The following NPHP4 variants were observed in gnomAD, a reference collection of about 807,000 sequenced individuals.
NPHP4 encodes nephrocystin 4.
Under a neutral mutation model 155.8 loss-of-function variants are expected in NPHP4, and 151 were observed. The ratio of observed to expected loss-of-function variants is 0.97; its 90% CI spans 0.85 to 1.11. The LOEUF (loss-of-function observed/expected upper bound fraction) is 1.11, where lower values mean the gene tolerates loss of function less well. Ranked by LOEUF, NPHP4 falls within the 50% of genes least tolerant of loss-of-function variation. The probability of loss-of-function intolerance (pLI) is 0.00; values close to 1 mark genes in which losing one functional copy is unlikely to be tolerated. For missense variants in NPHP4, 1,956 were observed against 1,925.7 expected, an observed-to-expected ratio of 1.02 and a Z score of -0.29; for synonymous variants, 845 against 816.8, an observed-to-expected ratio of 1.03 and a Z score of -0.59.
At chr1:5,883,631 C>T (rs1243453044) in intron 18 of NPHP4, among the ~76,000 whole-genome samples, 1 of 152,184 alleles carries the variant, frequency 6.6e-6, no homozygotes, top group Non-Finnish European at 1.5e-5. Flanking sequence ...TGGGTTCATC[C>T]TCCACCCGGC....
intron 9 of NPHP4, among the ~76,000 whole-genome samples, chr1:5,943,026 G>T (rs1557792642): frequency 6.6e-6 from 1 of 152,204 alleles, no homozygotes; most frequent in Non-Finnish European, 1.5e-5. Context: ...CATTTCTGGA[G>T]CCCACACTTG....
chr1:5,963,141 G>C (rs1650674641), intron 5 of NPHP4, among the ~76,000 whole-genome samples: 1 of 152,186 alleles, frequency 6.6e-6, no homozygotes, highest in Admixed American at 6.5e-5. Context: ...TCCGCCATGG[G>C]GGCTCACGCC....
Position 5,967,312 on chromosome 1 carries a change from C to G in NPHP4, c.504G>C (p.Gln168His), listed in dbSNP as rs1014692314. ...TPRALLHPLLQDPAEQNRHMT... is the reference protein window; with the variant it reads ...TPRALLHPLLHDPAEQNRHMT... ...TCTGGCTCTTACGCTCTGCGGGGTC[C>G]TGGAGAAGCGGGTGCAGGAGGGCTC... Residue 168 changes from glutamine (Q) to histidine (H), a missense_variant, in exon 5 of 30, where the codon CAG becomes CAC. By Grantham distance (24) the Gln-to-His change is conservative (BLOSUM62 0). Coordinates refer to ENST00000378156, the MANE Select transcript of NPHP4 (RefSeq NM_015102.5). 1 of 1,605,174 alleles carries G rather than the reference C, an allele frequency of 6.2e-7. No homozygotes were observed.
intron 18 of NPHP4, among the ~76,000 whole-genome samples, chr1:5,886,074 C>T (rs889596704): frequency 1.3e-5 from 2 of 152,188 alleles, no homozygotes; most frequent in Non-Finnish European, 2.9e-5. Flanking sequence ...GATTTTAAAA[C>T]CTGGAGTCAC....
intron 19 of NPHP4, 53 bp from the exon 20 acceptor site, chr1:5,877,351 G>A: frequency 2.0e-6 from 3 of 1,481,416 alleles, no homozygotes; most frequent in South Asian, 2.6e-5. Context: ...CTGCCTTCCA[G>A]GAGCAGACAC....
intron 10 of NPHP4, among the ~76,000 whole-genome samples, chr1:5,931,894 G>C (rs1646295663): frequency 6.6e-6 from 1 of 152,040 alleles, no homozygotes; most frequent in African/African-American, 2.4e-5. Flanking sequence ...AGGAAACACA[G>C]CAAGACCTCA....
Position 5,877,176 on chromosome 1 carries a change from G to C in NPHP4, c.2734C>G (p.Arg912Gly), listed in dbSNP as rs368106760. Residue 912 changes from arginine to glycine, a missense_variant, in exon 20 of 30, where the codon CGC (arginine) becomes GGC (glycine). Arg to Gly is a moderately radical substitution (Grantham distance 125, BLOSUM62 -2). Transcript: ENST00000378156. ...QDVSRESDAT[R>G]RRKLERMRSV... The stretch of plus-strand genomic sequence containing the variant: ...CTCATCCGCTCCAGCTTACGCCTGC[G>C]GGTGGCATCCGACTCGCGGCTGACG... 6.2e-7 allele frequency: 1 copy of C among 1,605,710 alleles called. No homozygotes were observed.
chr1:5,982,236 T>G (rs1333568975), intron 2 of NPHP4, among the ~76,000 whole-genome samples: 1 of 152,224 alleles, frequency 6.6e-6, no homozygotes, highest in Admixed American at 6.5e-5. Flanking sequence ...ATAATGACAT[T>G]TCGATCAGCA....
rs920043285 is a variant in NPHP4, at chr1:5,910,560, G to A, written c.1442-1347C>T. Among the ~76,000 whole-genome samples the A allele has an allele frequency of 1.3e-5, 2 of 152,134 alleles. No homozygotes were observed. The highest frequency in any genetic ancestry group is 2.4e-5 in the African/African-American group (1 of 41,424). On this transcript the variant is annotated intron_variant, in intron 11 of 29. Coordinates refer to ENST00000378156, the MANE Select transcript of NPHP4 (RefSeq NM_015102.5). The surrounding 1 kb of genome is among the most constrained non-coding windows in gnomAD (Gnocchi z 5.4). ...ATTCCTATGGCACAGAGCACAGGCC[G>A]GCACTTACGGGACCTACGGACCAAG...
At chr1:5,978,993 C>T (rs1234702574) in intron 2 of NPHP4, among the ~76,000 whole-genome samples, 1 of 152,170 alleles carries the variant, frequency 6.6e-6, no homozygotes, top group East Asian at 1.9e-4. Flanking sequence ...ATTGAGAAAT[C>T]ATGGCTACAA....
chr1:5,888,896 T>A (rs1489779760), intron 17 of NPHP4, among the ~76,000 whole-genome samples: 2 of 152,058 alleles, frequency 1.3e-5, no homozygotes, highest in African/African-American at 4.8e-5. Flanking sequence ...CGGGAACATG[T>A]CATTAGGGAG....
In NPHP4 at chr1:5,944,413, C is replaced by T. The variant is rs183390160; in HGVS notation, c.1119+2691G>A. Among the ~76,000 whole-genome samples, 124 of 152,342 alleles carry T rather than the reference C, an allele frequency of 8.1e-4. No individual in the cohort carries two copies. The highest frequency in any genetic ancestry group is 2.2e-3 in the Admixed American group (33 of 15,306). On this transcript the variant is annotated intron_variant, in intron 9 of 29. Coordinates refer to ENST00000378156, the MANE Select transcript of NPHP4 (RefSeq NM_015102.5). This position sits in a 1 kb window ranked among gnomAD's most constrained non-coding sequence, Gnocchi z 4.3. ...AGCCCGCCCTGGGCCTTCCAAGGAG[C>T]GCGCTGGGCTCCTCTACCACAGCCA... is the stretch of plus-strand genomic sequence containing the variant.
chr1:5,945,185 C>G (rs1420833354), intron 9 of NPHP4, among the ~76,000 whole-genome samples: 1 of 152,180 alleles, frequency 6.6e-6, no homozygotes, highest in Non-Finnish European at 1.5e-5. Flanking sequence ...GAGTGAGGCG[C>G]CAGCCCTCCT....
At chr1:5,888,774 A>G (rs1643954902) in intron 17 of NPHP4, among the ~76,000 whole-genome samples, 1 of 152,212 alleles carries the variant, frequency 6.6e-6, no homozygotes, top group African/African-American at 2.4e-5. Flanking sequence ...GACATGGGAC[A>G]CAGTGCCCTC....
intron 2 of NPHP4, among the ~76,000 whole-genome samples, chr1:5,983,591 C>T (rs1373008869): frequency 6.6e-6 from 1 of 152,208 alleles, no homozygotes; most frequent in Non-Finnish European, 1.5e-5. Flanking sequence ...ATGCCTCCTC[C>T]CTTTGCTGAT....
Position 5,867,569 on chromosome 1 carries a change from G to C in NPHP4, c.3472+171C>G. On this transcript the variant is annotated intron_variant, in intron 24 of 29. Transcript: ENST00000378156. This position sits in a 1 kb window ranked among gnomAD's most constrained non-coding sequence, Gnocchi z 4.1. ...CCTAGTCATCTCAGAGGTGGCAAGAGGGACACCGTTTCAAACCATAAAGGC... is the reference window on the plus strand; with the variant it reads ...CCTAGTCATCTCAGAGGTGGCAAGACGGACACCGTTTCAAACCATAAAGGC... The C allele has an allele frequency of 1.4e-6, 1 of 690,964 alleles. No individual in the cohort carries two copies. Among genetic ancestry groups the C allele is most frequent in the South Asian group, 1.9e-5 (1 of 52,244 alleles). The allele number at this position is 690,964 out of a possible 1,614,324, so 42.8% of individuals were successfully genotyped here. A position where few individuals can be genotyped will look rare whatever the true frequency, so the allele number is the denominator to read the frequency against.
chr1:5,954,106 C>T (rs897311367), intron 6 of NPHP4, among the ~76,000 whole-genome samples: 4 of 152,140 alleles, frequency 2.6e-5, no homozygotes, highest in African/African-American at 9.7e-5. Flanking sequence ...CTTTCTGCCC[C>T]AGTAATTCCA....
intron 16 of NPHP4, among the ~76,000 whole-genome samples, chr1:5,896,008 GACATTA>G (rs1485235270): frequency 2.6e-5 from 4 of 152,228 alleles, no homozygotes; most frequent in African/African-American, 9.6e-5. Flanking sequence ...CTTGGGCTAT[GACATTA>G]ACTGAAAAAA....
chr1:5,926,465 A>AT (rs1031313418), intron 11 of NPHP4, among the ~76,000 whole-genome samples: 3 of 151,768 alleles, frequency 2.0e-5, no homozygotes, highest in South Asian at 4.2e-4. Context: ...GGCTGAAAAT[A>AT]TTTTTTTTTA....
Sources: gnomAD v4.1 joint callset for allele counts (sites outside exome capture counted in the v4.1 genomes callset) on GRCh38, gnomAD v4.1.1 for gene constraint, Gnocchi (gnomAD v3.1) non-coding constraint, MANE v1.5 for transcripts, NCBI Gene and HGNC (gene_info 2026-07-23, HGNC 2026-07-21) for gene names.